MYCBP2: variants seen among roughly 807,000 people sequenced by gnomAD.
MYCBP2 encodes MYC binding protein 2, also known as E3 ubiquitin-protein ligase MYCBP2.
MYCBP2 carries 120 observed loss-of-function variants against 525.3 expected under a neutral mutation model. That is an observed-to-expected ratio of 0.23 (90% confidence interval 0.20 to 0.27). The LOEUF is 0.27. Ranked by LOEUF, MYCBP2 falls within the 10% of genes least tolerant of loss-of-function variation. The pLI, the probability that MYCBP2 is intolerant of heterozygous loss-of-function variation, is 1.00. For synonymous variants in MYCBP2, 1,894 were observed against 1,955.8 expected, an observed-to-expected ratio of 0.97 and a Z score of 0.83; for missense variants, 4,149 against 5,657.1, an observed-to-expected ratio of 0.73 and a Z score of 8.55.
Position 77,098,778 on chromosome 13 carries a change from A to G in MYCBP2, c.8376T>C (p.His2792=), listed in dbSNP as rs1594520138. Residue 2792 remains histidine (H), a synonymous_variant, in exon 56 of 83, where the codon CAT becomes CAC. Transcript: ENST00000544440. ...DSHSRSLSPN[H]NTLQTLKSDG... ...CAGATTTCAATGTCTGCAAGGTGTT[A>G]TGGTTGGGGGATAATGACCTACTGT... is the stretch of plus-strand genomic sequence containing the variant. The G allele has an allele frequency of 5.6e-6, 9 of 1,613,378 alleles. No individual in the cohort carries two copies. The East Asian group carries it at 1.8e-4, about 32-fold the overall frequency.
chr13:77,234,812 TAA>T (rs1041315259), intron 17 of MYCBP2, among the ~76,000 whole-genome samples: 3 of 146,322 alleles, frequency 2.1e-5, no homozygotes, highest in African/African-American at 7.5e-5. Context: ...TCCAACTATA[TAA>T]AAAAGTTATA....
At chr13:77,052,008 G>A (rs1356077404) in intron 80 of MYCBP2, 90 bp from the exon 81 acceptor site, 7 of 985,732 alleles carry the variant, frequency 7.1e-6, no homozygotes, top group Non-Finnish European at 1.1e-5. Context: ...GTAAGATCTA[G>A]GGGTTTTAGA....
At chr13:77,323,961 T>C (rs1490298781) in intron 1 of MYCBP2, among the ~76,000 whole-genome samples, 1 of 151,826 alleles carries the variant, frequency 6.6e-6, no homozygotes. Context: ...CTTTGACCTT[T>C]TCCTATCAAT....
At position 77,098,157 on chromosome 13, in the gene MYCBP2, G is replaced by A. The variant is rs748828822; in HGVS notation, c.8997C>T (p.Pro2999=). ...SRKCANRHTR[P]KKEKSSFLFK... is the part of the protein sequence containing the mutation. ...AAAGAAAACTCGATTTTTCTTTTTT[G>A]GGCCTGGTGTGTCTATTAGCACATT... Residue 2999 remains proline (P), a synonymous_variant, in exon 56 of 83, where the codon CCC becomes CCT. Coordinates refer to ENST00000544440, the MANE Select transcript of MYCBP2 (RefSeq NM_015057.5). 1 of 1,613,226 alleles carries A rather than the reference G, an allele frequency of 6.2e-7. No homozygotes were observed.
In MYCBP2 at chr13:77,044,835, G is replaced by C. The variant is rs1231661674; in HGVS notation, c.*543C>G. 1 of 398,128 alleles carries C rather than the reference G, an allele frequency of 2.5e-6. No homozygotes were observed. The highest frequency in any genetic ancestry group is 2.1e-5 in the African/African-American group (1 of 48,428). The allele number at this position is 398,128 out of a possible 1,614,324, so 24.7% of individuals were successfully genotyped here. A position where few individuals can be genotyped will look rare whatever the true frequency, so the allele number is the denominator to read the frequency against. On this transcript the variant is annotated 3_prime_UTR_variant, in exon 83 of 83. Coordinates refer to ENST00000544440, the MANE Select transcript of MYCBP2 (RefSeq NM_015057.5). ...TTGTAATTTAGTAATTCTTATACAGGACAAACATTGATATGTTTATATACA... is the reference window on the plus strand; with the variant it reads ...TTGTAATTTAGTAATTCTTATACAGCACAAACATTGATATGTTTATATACA...
intron 14 of MYCBP2, 122 bp from the exon 15 acceptor site, chr13:77,251,477 G>T: frequency 1.3e-6 from 1 of 759,602 alleles, no homozygotes; most frequent in Non-Finnish European, 2.1e-6. Context: ...ACAAAGAAAT[G>T]CTTAAATTTG....
At chr13:77,237,260 CTTGTA>C (rs1434048938) in intron 17 of MYCBP2, among the ~76,000 whole-genome samples, 4 of 152,078 alleles carry the variant, frequency 2.6e-5, no homozygotes, top group Non-Finnish European at 5.9e-5. Flanking sequence ...GTGTGTTCTT[CTTGTA>C]TTGTAAAATG....
At chr13:77,176,124 C>T (rs2059683833) in intron 36 of MYCBP2, among the ~76,000 whole-genome samples, 2 of 150,840 alleles carry the variant, frequency 1.3e-5, no homozygotes, top group South Asian at 4.2e-4. Context: ...TGTTTTATTT[C>T]CATTATTTAA....
chr13:77,269,524 G>A (rs2074583120), intron 7 of MYCBP2, among the ~76,000 whole-genome samples: 4 of 152,084 alleles, frequency 2.6e-5, no homozygotes, highest in Admixed American at 2.6e-4. Flanking sequence ...TTCTCAGGAA[G>A]CTGAGGCACA....
At chr13:77,059,060 ATT>A (rs530844904) in intron 77 of MYCBP2, among the ~76,000 whole-genome samples, 1 of 146,738 alleles carries the variant, frequency 6.8e-6, no homozygotes. Context: ...CAAAATGCAG[ATT>A]TTTTTTTTTT....
At chr13:77,245,439 G>A (rs954766180) in intron 15 of MYCBP2, among the ~76,000 whole-genome samples, 8 of 152,278 alleles carry the variant, frequency 5.3e-5, no homozygotes, top group African/African-American at 1.9e-4. Flanking sequence ...AAAAGAATGA[G>A]TTCGTGTTCT....
At chr13:77,277,820 T>C (rs2075791393) in intron 4 of MYCBP2, among the ~76,000 whole-genome samples, 1 of 152,212 alleles carries the variant, frequency 6.6e-6, no homozygotes, top group East Asian at 1.9e-4. Context: ...TTCTGAGAAT[T>C]TTCCTATAAT....
Position 77,123,071 on chromosome 13 carries a change from T to G in MYCBP2, c.8018-1576A>C, listed in dbSNP as rs2051036671. On this transcript the variant is annotated intron_variant, in intron 54 of 82. Transcript: ENST00000544440. ...AGATTTCAAAGACCAATAGAGAATT[T>G]TTACAAAGAGGAAAGCTTTTGTTTT... 1.3e-5 allele frequency among the ~76,000 whole-genome samples: 2 copies of G among 152,178 alleles called. 1 individual carries two copies. The highest frequency in any genetic ancestry group is 2.9e-5 in the Non-Finnish European group (2 of 68,026).
At chr13:77,205,074 A>T (rs1406046105) in intron 26 of MYCBP2, among the ~76,000 whole-genome samples, 182 bp downstream of exon 26, 1 of 151,960 alleles carries the variant, frequency 6.6e-6, no homozygotes, top group Non-Finnish European at 1.5e-5. Context: ...AATTTAAAAA[A>T]TTTAGTATTA....
chr13:77,212,055 C>A lies in MYCBP2; in HGVS notation c.3163G>T (p.Gly1055Cys). Residue 1055 changes from glycine to cysteine, a missense_variant, in exon 22 of 83, where the codon GGT (glycine) becomes TGT (cysteine). Gly to Cys is a radical substitution (Grantham distance 159, BLOSUM62 -3). This residue lies in a region of MYCBP2 where 620 missense variants were observed against 795.5 expected (regional missense o/e 0.78). Transcript: ENST00000544440. ...SKYGRKATWIGASGDQTFLRI... is the reference protein window; with the variant it reads ...SKYGRKATWICASGDQTFLRI... ...AAAAAAGTTTGGTCCCCACTTGCAC[C>A]TATCCAAGTAGCTTTTCTTCCATAT... 6.2e-7 allele frequency: 1 copy of A among 1,614,076 alleles called. No individual in the cohort carries two copies. The highest frequency in any genetic ancestry group is 8.5e-7 in the Non-Finnish European group (1 of 1,179,970).
At chr13:77,131,517 AACACAC>A (rs55921143) in intron 52 of MYCBP2, among the ~76,000 whole-genome samples, 4 of 146,496 alleles carry the variant, frequency 2.7e-5, no homozygotes, top group African/African-American at 5.0e-5. Flanking sequence ...CACACAAACA[AACACAC>A]ACACACACAC....
At chr13:77,053,309 C>T (rs1401703785) in intron 80 of MYCBP2, among the ~76,000 whole-genome samples, 1 of 152,098 alleles carries the variant, frequency 6.6e-6, no homozygotes, top group African/African-American at 2.4e-5. Flanking sequence ...GGTGATTTAT[C>T]TGTATTTGCC....
At chr13:77,292,810 T>C (rs2077624055) in intron 2 of MYCBP2, among the ~76,000 whole-genome samples, 1 of 151,636 alleles carries the variant, frequency 6.6e-6, no homozygotes, top group South Asian at 2.1e-4. Flanking sequence ...ATACAAAAAT[T>C]AGCTGGACGT....
chr13:77,126,444 T>C lies in MYCBP2; in HGVS notation c.7758A>G (p.Gly2586=). The part of the protein sequence containing the change: ...MQEQDMPFLR[G]GPGMYKVVKT... ...TCACTACCTTGTACATGCCTGGCCC[T>C]CCTCGCAAGAATGGCATATCTTGTT... The change falls in exon 53 of 83, where the codon GGA becomes GGG. Residue 2586 remains glycine (G), a synonymous_variant. Coordinates refer to ENST00000544440, the MANE Select transcript of MYCBP2 (RefSeq NM_015057.5). 1 of 1,614,014 alleles carries C rather than the reference T, an allele frequency of 6.2e-7. No homozygotes were observed. Among genetic ancestry groups the C allele is most frequent in the Non-Finnish European group, 8.5e-7 (1 of 1,179,892 alleles).
Sources: allele counts gnomAD v4.1 joint callset (sites outside exome capture counted in the v4.1 genomes callset), GRCh38; gene constraint gnomAD v4.1.1; regional missense constraint gnomAD v4.1.1; transcripts MANE v1.5; gene names NCBI Gene and HGNC (gene_info 2026-07-23, HGNC 2026-07-21).